Variants in EXOC4 observed in about 807,000 individuals in gnomAD.
The protein encoded by EXOC4 is SEC8-like 1.
A neutral mutation model predicts 107.2 loss-of-function variants in EXOC4; 71 were observed. The ratio of observed to expected loss-of-function variants is 0.66; its 90% CI spans 0.55 to 0.81. The LOEUF (loss-of-function observed/expected upper bound fraction) is 0.81, where lower values mean the gene tolerates loss of function less well. Among genes scored for constraint, EXOC4 ranks in the 30% least tolerant of loss-of-function variants. EXOC4 has a pLI of 0.00. For missense variants in EXOC4, 1,108 were observed against 1,189.6 expected (o/e 0.93, Z 1.01); for synonymous variants, 456 against 441.2 (o/e 1.03, Z -0.42).
At chr7:133,735,819 G>A (rs550357128) in intron 10 of EXOC4, among the ~76,000 whole-genome samples, 3 of 152,208 alleles carry the variant, frequency 2.0e-5, no homozygotes, top group East Asian at 3.9e-4. Flanking sequence ...CGGCATGGTG[G>A]ATTATCCCTG....
At chr7:133,831,740 A>G (rs2151237912) in intron 11 of EXOC4, among the ~76,000 whole-genome samples, 2 of 152,188 alleles carry the variant, frequency 1.3e-5, no homozygotes, top group South Asian at 4.1e-4. Context: ...TTGTAACTTG[A>G]GTATCATTAT....
intron 12 of EXOC4, among the ~76,000 whole-genome samples, chr7:133,914,040 A>G (rs1312264069): frequency 6.6e-6 from 1 of 152,212 alleles, no homozygotes; most frequent in African/African-American, 2.4e-5. Context: ...AGAATAAAAT[A>G]AAAAGTGCTC....
chr7:133,998,724 G>A (rs1794456182), intron 15 of EXOC4, among the ~76,000 whole-genome samples: 1 of 152,166 alleles, frequency 6.6e-6, no homozygotes, highest in South Asian at 2.1e-4. Context: ...TTAAGAAAGG[G>A]AGAGATATCA....
chr7:133,914,391 C>T lies in EXOC4; in HGVS notation c.1872-3192C>T, dbSNP rs577577785. ...ATAGAGGCTAGCATCTTGACATCTT[C>T]CAGGCAGGGAGGGAGCTTTATCTGT... On this transcript the variant is annotated intron_variant, in intron 12 of 17. Coordinates refer to ENST00000253861, the MANE Select transcript of EXOC4 (RefSeq NM_021807.4). Among the ~76,000 whole-genome samples, 7 of 152,186 alleles carry T rather than the reference C, an allele frequency of 4.6e-5. No homozygotes were observed. In the East Asian group the frequency reaches 1.4e-3, roughly 29 times the overall value.
chr7:133,255,401 G>A (rs546120045), intron 1 of EXOC4, among the ~76,000 whole-genome samples: 6 of 152,016 alleles, frequency 3.9e-5, no homozygotes, highest in Admixed American at 1.3e-4. Flanking sequence ...GGTCTCGATC[G>A]CTTGACCTTG....
At chr7:133,516,758 A>ATTATTTTTTTTTTTTTTTT (rs1799883173) in intron 9 of EXOC4, among the ~76,000 whole-genome samples, 1 of 49,032 alleles carries the variant, frequency 2.0e-5, no homozygotes, top group Non-Finnish European at 3.9e-5. Context: ...CTAGCTGCTC[A>ATTATTTTTTTTTTTTTTTT]TTTTTTTTTT....
At chr7:133,288,720 A>G (rs540573180) in intron 2 of EXOC4, among the ~76,000 whole-genome samples, 5 of 152,216 alleles carry the variant, frequency 3.3e-5, no homozygotes, top group African/African-American at 1.2e-4. Flanking sequence ...TGGGAGTGAA[A>G]TTAGAGAGAG....
chr7:133,798,065 C>G (rs1796853513), intron 10 of EXOC4, among the ~76,000 whole-genome samples: 1 of 152,080 alleles, frequency 6.6e-6, no homozygotes, highest in Admixed American at 6.5e-5. Flanking sequence ...GGAGGAAGAG[C>G]AGCCCAGGCA....
chr7:133,552,587 G>T (rs1369979056), intron 9 of EXOC4, among the ~76,000 whole-genome samples: 6 of 152,068 alleles, frequency 3.9e-5, no homozygotes, highest in Non-Finnish European at 8.8e-5. Context: ...TGGCAGATTG[G>T]ACTGTTTCTG....
chr7:133,850,030 T>A (rs941933002), intron 11 of EXOC4, among the ~76,000 whole-genome samples: 2 of 152,340 alleles, frequency 1.3e-5, no homozygotes, highest in African/African-American at 4.8e-5. Flanking sequence ...CAACTCTCAA[T>A]GTAAATATGT....
At chr7:133,699,226 C>T (rs1483745843) in intron 10 of EXOC4, among the ~76,000 whole-genome samples, 1 of 152,154 alleles carries the variant, frequency 6.6e-6, no homozygotes, top group Non-Finnish European at 1.5e-5. Context: ...TGGTTTGCAG[C>T]CCCTCAGGTC....
At chr7:133,358,088 T>G (rs1405285974) in intron 6 of EXOC4, among the ~76,000 whole-genome samples, 2 of 152,144 alleles carry the variant, frequency 1.3e-5, no homozygotes, top group African/African-American at 4.8e-5. Context: ...CTTGGGAGTC[T>G]GAGGCACAAG....
At chr7:133,565,035 G>A (rs1230576051) in intron 9 of EXOC4, among the ~76,000 whole-genome samples, 1 of 152,156 alleles carries the variant, frequency 6.6e-6, no homozygotes, top group Non-Finnish European at 1.5e-5. Context: ...GTGGTGTTGG[G>A]ATGTCGAGTT....
chr7:133,941,851 C>CTCTCTCTCTCTT (rs1330545954), intron 14 of EXOC4, among the ~76,000 whole-genome samples: 2 of 151,788 alleles, frequency 1.3e-5, no homozygotes, highest in Non-Finnish European at 2.9e-5. Flanking sequence ...CTCTCTCTCT[C>CTCTCTCTCTCTT]GGATCTAAGT....
At chr7:133,749,730 C>G (rs954883976) in intron 10 of EXOC4, among the ~76,000 whole-genome samples, 1 of 152,076 alleles carries the variant, frequency 6.6e-6, no homozygotes, top group Non-Finnish European at 1.5e-5. Flanking sequence ...ATAAGTAAAC[C>G]TAATCTTGTT....
chr7:133,652,096 A>T (rs1371755002), intron 10 of EXOC4, among the ~76,000 whole-genome samples: 7 of 152,192 alleles, frequency 4.6e-5, no homozygotes, highest in Non-Finnish European at 4.4e-5. Context: ...TGTGATGTCG[A>T]TGGTTTATAA....
intron 17 of EXOC4, among the ~76,000 whole-genome samples, chr7:134,014,397 C>T (rs554250195): frequency 6.4e-4 from 97 of 151,840 alleles, no homozygotes; most frequent in Non-Finnish European, 3.1e-4. Context: ...AGCGAGACTC[C>T]GTCTCAAAAA....
chr7:133,737,363 A>T (rs2151124237), intron 10 of EXOC4, among the ~76,000 whole-genome samples: 1 of 150,830 alleles, frequency 6.6e-6, no homozygotes, highest in African/African-American at 2.4e-5. Context: ...CTGCAGCTAA[A>T]CTGGGCTGCT....
chr7:133,527,372 C>G (rs948044134), intron 9 of EXOC4, among the ~76,000 whole-genome samples: 1 of 152,070 alleles, frequency 6.6e-6, no homozygotes, highest in African/African-American at 2.4e-5. Context: ...CCCCTGCACT[C>G]TAGCCTGGGC....
Sources: allele counts gnomAD v4.1 joint callset (sites outside exome capture counted in the v4.1 genomes callset), GRCh38; gene constraint gnomAD v4.1.1; transcripts MANE v1.5; gene names NCBI Gene and HGNC (gene_info 2026-07-23, HGNC 2026-07-21).